Variants in CTNND2 observed in about 807,000 individuals in gnomAD.
The protein encoded by CTNND2 is catenin delta 2.
CTNND2 carries 22 observed loss-of-function variants against 144.4 expected under a neutral mutation model. That is an observed-to-expected ratio of 0.15 (90% confidence interval 0.11 to 0.22). The LOEUF (loss-of-function observed/expected upper bound fraction) is 0.22. CTNND2 is among the 10% of genes least tolerant of loss of function. The pLI, the probability that CTNND2 is intolerant of heterozygous loss-of-function variation, is 1.00. For missense variants in CTNND2, 1,353 were observed against 1,618.8 expected, an observed-to-expected ratio of 0.84 and a Z score of 2.82; for synonymous variants, 751 against 695.6, an observed-to-expected ratio of 1.08 and a Z score of -1.25.
chr5:11,794,879 T>C (rs1056418770), intron 1 of CTNND2, among the ~76,000 whole-genome samples: 1 of 152,234 alleles, frequency 6.6e-6, no homozygotes, highest in African/African-American at 2.4e-5. Context: ...AACATTCCTA[T>C]TTATGATTCG....
chr5:11,149,528 T>C (rs1286133534), intron 12 of CTNND2, among the ~76,000 whole-genome samples: 1 of 152,156 alleles, frequency 6.6e-6, no homozygotes, highest in East Asian at 1.9e-4. Context: ...AGAAGTGTAA[T>C]TAGCTGTTGG....
At chr5:11,262,667 C>G (rs2149957974) in intron 9 of CTNND2, among the ~76,000 whole-genome samples, 1 of 142,622 alleles carries the variant, frequency 7.0e-6, no homozygotes, top group Non-Finnish European at 1.5e-5. Context: ...GAGGCTGAAG[C>G]AGGAGAATGG....
chr5:11,264,778 A>T (rs1745272407), intron 9 of CTNND2, among the ~76,000 whole-genome samples: 1 of 152,120 alleles, frequency 6.6e-6, no homozygotes, highest in African/African-American at 2.4e-5. Flanking sequence ...AAAAATACAA[A>T]AAATTAGCCA....
chr5:11,495,264 G>T (rs1448923943), intron 3 of CTNND2, among the ~76,000 whole-genome samples: 2 of 152,100 alleles, frequency 1.3e-5, no homozygotes, highest in African/African-American at 4.8e-5. Flanking sequence ...TATGTGGAAT[G>T]AATAGAAAGA....
chr5:11,813,995 A>C (rs989474208), intron 1 of CTNND2, among the ~76,000 whole-genome samples: 17 of 152,216 alleles, frequency 1.1e-4, no homozygotes. Context: ...CTACCATGAA[A>C]TTACTAATAG....
intron 11 of CTNND2, among the ~76,000 whole-genome samples, chr5:11,195,555 C>T (rs1485178391): frequency 2.0e-5 from 3 of 152,164 alleles, no homozygotes; most frequent in African/African-American, 7.2e-5. Context: ...AAGTCCTCAG[C>T]CCGACTCCTT....
At chr5:11,860,245 C>T (rs577203791) in intron 1 of CTNND2, among the ~76,000 whole-genome samples, 12 of 152,296 alleles carry the variant, frequency 7.9e-5, no homozygotes, top group African/African-American at 2.6e-4. Flanking sequence ...TTCCCATACA[C>T]AATGCTTTTT....
intron 3 of CTNND2, among the ~76,000 whole-genome samples, chr5:11,559,144 T>G (rs936952116): frequency 6.6e-6 from 1 of 152,208 alleles, no homozygotes; most frequent in East Asian, 1.9e-4. Context: ...TATATTTGTA[T>G]GTGTATATAT....
At chr5:11,516,038 T>C (rs1318591842) in intron 3 of CTNND2, among the ~76,000 whole-genome samples, 3 of 151,984 alleles carry the variant, frequency 2.0e-5, no homozygotes, top group Non-Finnish European at 4.4e-5. Flanking sequence ...GCTTGGGAGA[T>C]TGAGGCTGCA....
chr5:11,737,648 C>T (rs145888684), intron 1 of CTNND2, among the ~76,000 whole-genome samples: 1 of 152,160 alleles, frequency 6.6e-6, no homozygotes, highest in Non-Finnish European at 1.5e-5. Flanking sequence ...GAACTGTGTT[C>T]CCCAAATTCA....
intron 9 of CTNND2, among the ~76,000 whole-genome samples, chr5:11,308,302 A>G (rs1427224575): frequency 6.6e-6 from 1 of 152,180 alleles, no homozygotes; most frequent in Non-Finnish European, 1.5e-5. Context: ...ATTTAGAAAC[A>G]AGGCCAGCAA....
At position 11,794,278 on chromosome 5, in the gene CTNND2, AC is replaced by A. The variant is rs1459211616; in HGVS notation, c.38-62007del. Among the ~76,000 whole-genome samples the A allele has an allele frequency of 1.1e-4, 17 of 152,390 alleles. No individual in the cohort carries two copies. The South Asian group carries it at 3.3e-3, about 30-fold the overall frequency. On this transcript the variant is annotated intron_variant, in intron 1 of 21. Transcript: ENST00000304623. Reference sequence around the variant, plus strand: ...CCATCTACTGTCCCCGTATTTTAATACATCCATGGTAATTATATTATTTCCA... The same window carrying A: ...CCATCTACTGTCCCCGTATTTTAATAATCCATGGTAATTATATTATTTCCA...
intron 13 of CTNND2, among the ~76,000 whole-genome samples, chr5:11,115,667 C>T (rs1736408202): frequency 6.6e-6 from 1 of 152,170 alleles, no homozygotes; most frequent in Non-Finnish European, 1.5e-5. Flanking sequence ...CTCTTTGTTA[C>T]ATTATGTTCA....
chr5:10,971,953 CT>C lies in CTNND2; in HGVS notation c.*1499del, dbSNP rs1179790460. On this transcript the variant is annotated 3_prime_UTR_variant, in exon 22 of 22. Transcript: ENST00000304623. The stretch of plus-strand genomic sequence containing the variant: ...AGCTAGTTTACCCGCGGCCCATGTT[CT>C]TTTCGATGGTTAGCCTTATTTCTTA... The C allele has an allele frequency of 6.6e-6, 1 of 152,622 alleles. No individual in the cohort carries two copies. The highest frequency in any genetic ancestry group is 2.4e-5 in the African/African-American group (1 of 41,442). The allele number at this position is 152,622 out of a possible 1,614,324, so 9.5% of individuals were successfully genotyped here.
At chr5:11,408,596 T>G (rs7722906) in intron 5 of CTNND2, among the ~76,000 whole-genome samples, 27,837 of 152,062 alleles carry the variant, frequency 0.18, 5,244 homozygotes, top group African/African-American at 0.49. Context: ...ACTAAAATCC[T>G]AGGAGTCTTC....
chr5:11,318,045 T>A (rs1192680591), intron 9 of CTNND2, among the ~76,000 whole-genome samples: 1 of 152,182 alleles, frequency 6.6e-6, no homozygotes, highest in African/African-American at 2.4e-5. Context: ...TGTGGCATGC[T>A]CAGAGGTGCT....
intron 12 of CTNND2, among the ~76,000 whole-genome samples, chr5:11,120,545 T>C (rs1357967819): frequency 6.0e-5 from 4 of 66,796 alleles, no homozygotes; most frequent in African/African-American, 2.2e-4. Context: ...GAGGGGGTTA[T>C]CATACTGTCC....
intron 11 of CTNND2, among the ~76,000 whole-genome samples, chr5:11,178,523 C>G (rs750406417): frequency 1.3e-5 from 2 of 152,106 alleles, no homozygotes; most frequent in Non-Finnish European, 2.9e-5. Flanking sequence ...GATGATACAA[C>G]TTGAATGGAA....
chr5:11,775,423 C>A (rs28670276), intron 1 of CTNND2, among the ~76,000 whole-genome samples: 19 of 152,226 alleles, frequency 1.2e-4, no homozygotes, highest in African/African-American at 4.3e-4. Flanking sequence ...GAGGATAAGA[C>A]GAGAGAAGCA....
Sources: allele counts gnomAD v4.1 joint callset (sites outside exome capture counted in the v4.1 genomes callset), GRCh38; gene constraint gnomAD v4.1.1; transcripts MANE v1.5; gene names NCBI Gene and HGNC (gene_info 2026-07-23, HGNC 2026-07-21).